TTC21B: variants seen among roughly 807,000 people sequenced by gnomAD.
TTC21B encodes the protein tetratricopeptide repeat protein 21B.
A neutral mutation model predicts 175.1 loss-of-function variants in TTC21B; 127 were observed. The observed-to-expected ratio is 0.73, with a 90% CI of 0.63 to 0.84. The LOEUF is 0.84. TTC21B is among the 40% of genes least tolerant of loss of function. TTC21B has a pLI of 0.00. For synonymous variants in TTC21B, 524 were observed against 524.5 expected (o/e 1.00, Z 0.01); for missense variants, 1,561 against 1,558.3 (o/e 1.00, Z -0.03).
intron 28 of TTC21B, among the ~76,000 whole-genome samples, chr2:165,875,407 G>A (rs1684634733): frequency 6.6e-6 from 1 of 151,978 alleles, no homozygotes; most frequent in African/African-American, 2.4e-5. Flanking sequence ...TTACTGTAAT[G>A]ATGCTAACAG....
intron 25 of TTC21B, among the ~76,000 whole-genome samples, chr2:165,885,337 G>A (rs1043253635): frequency 2.6e-5 from 4 of 152,102 alleles, no homozygotes; most frequent in African/African-American, 9.7e-5. Context: ...AATAGAGAAG[G>A]GCAATACATC....
At chr2:165,885,147 C>T (rs1300068829) in intron 25 of TTC21B, among the ~76,000 whole-genome samples, 1 of 152,052 alleles carries the variant, frequency 6.6e-6, no homozygotes, top group Non-Finnish European at 1.5e-5. Flanking sequence ...GAGACACTGT[C>T]TCAAAATAAA....
At chr2:165,926,991 CATATATATAT>C (rs367965246) in intron 11 of TTC21B, among the ~76,000 whole-genome samples, 2 of 14,610 alleles carry the variant, frequency 1.4e-4, no homozygotes, top group Non-Finnish European at 3.2e-4. Flanking sequence ...TATAAACTCC[CATATATATAT>C]ATATATATAT....
chr2:165,903,858 A>T (rs1685644892), intron 19 of TTC21B, among the ~76,000 whole-genome samples: 1 of 152,202 alleles, frequency 6.6e-6, no homozygotes, highest in Non-Finnish European at 1.5e-5. Flanking sequence ...GACTCCACTT[A>T]TAGGTTTCTG....
intron 20 of TTC21B, 120 bp from the exon 21 acceptor site, chr2:165,900,000 AT>A (rs1685499445): frequency 2.2e-6 from 1 of 459,070 alleles, no homozygotes; most frequent in South Asian, 2.1e-5. Flanking sequence ...AATGCCAAGT[AT>A]AATAGACAAA....
chr2:165,949,836 CT>C, intron 1 of TTC21B, 112 bp from the exon 2 acceptor site: 1 of 1,076,688 alleles, frequency 9.3e-7, no homozygotes. Context: ...GGCAATGTGA[CT>C]TTTTTCTTCC....
In TTC21B at chr2:165,921,072, G is replaced by A. The variant is rs1265542232; in HGVS notation, c.1517-1639C>T. On this transcript the variant is annotated intron_variant, in intron 12 of 28. Coordinates refer to ENST00000243344, the MANE Select transcript of TTC21B (RefSeq NM_024753.5). The stretch of plus-strand genomic sequence containing the variant: ...TTCTGTGTTATTCATTATGGACCCT[G>A]ATAGTTTATCCTAATTAAGAGAATC... 3.3e-5 allele frequency among the ~76,000 whole-genome samples: 5 copies of A among 152,114 alleles called. No individual in the cohort carries two copies. In the East Asian group the frequency reaches 9.6e-4, roughly 29 times the overall value.
intron 6 of TTC21B, among the ~76,000 whole-genome samples, chr2:165,937,989 C>G (rs915219497): frequency 6.6e-6 from 1 of 151,980 alleles, no homozygotes; most frequent in Non-Finnish European, 1.5e-5. Flanking sequence ...GACAGCTTGT[C>G]GTACCAAATA....
intron 14 of TTC21B, among the ~76,000 whole-genome samples, chr2:165,916,835 T>C (rs1686191726): frequency 6.6e-6 from 1 of 152,146 alleles, no homozygotes; most frequent in Non-Finnish European, 1.5e-5. Flanking sequence ...GAAAATTAAA[T>C]TTTTCTAAAG....
chr2:165,892,776 C>T (rs1375427097), intron 22 of TTC21B, among the ~76,000 whole-genome samples: 2 of 152,096 alleles, frequency 1.3e-5, no homozygotes, highest in Non-Finnish European at 2.9e-5. Context: ...AAACGCAAAA[C>T]GTTGATGGAT....
chr2:165,949,192 A>T, intron 3 of TTC21B: 1 of 585,552 alleles, frequency 1.7e-6, no homozygotes, highest in Middle Eastern at 4.6e-4. Flanking sequence ...CAGAGGATAT[A>T]AGGAACACGA....
rs1218490524 is a variant in TTC21B, at chr2:165,890,594, G to A, written c.3148C>T (p.Arg1050Trp). ...TTTTGGCCCCAGTCACGATCTTTCC[G>A]AGCTTTATTAAAATGTCGAAGGGCA... ...NDALRHFNKA[R>W]KDRDWGQNAL... The change falls in exon 24 of 29, where the codon CGG becomes TGG. Residue 1050 changes from arginine (R) to tryptophan (W), a missense_variant. Transcript: ENST00000243344. 3.1e-6 allele frequency: 5 copies of A among 1,613,666 alleles called. No individual in the cohort carries two copies. Among genetic ancestry groups the A allele is most frequent in the Admixed American group, 3.3e-5 (2 of 59,992 alleles).
chr2:165,925,012 A>T lies in TTC21B; in HGVS notation c.1387-334T>A, dbSNP rs1686576102. On this transcript the variant is annotated intron_variant, in intron 11 of 28. Transcript: ENST00000243344. ...ATCTGTTAAAGGAAAGATAACTGAG[A>T]GGTACAGTTTCTTGCTAGAACTGAC... 4.6e-5 allele frequency among the ~76,000 whole-genome samples: 7 copies of T among 152,336 alleles called. No individual in the cohort carries two copies. The South Asian group carries it at 1.4e-3, about 32-fold the overall frequency.
intron 11 of TTC21B, among the ~76,000 whole-genome samples, chr2:165,926,046 A>G (rs1686616402): frequency 6.6e-6 from 1 of 152,222 alleles, no homozygotes; most frequent in African/African-American, 2.4e-5. Flanking sequence ...TTAAAATTCT[A>G]AACAAAATTA....
chr2:165,945,341 T>C (rs1477132754), intron 4 of TTC21B, among the ~76,000 whole-genome samples, 183 bp downstream of exon 4: 1 of 152,146 alleles, frequency 6.6e-6, no homozygotes. Context: ...CCTTAGAGAA[T>C]TCCTATTCTA....
rs1686962600 is a variant in TTC21B, at chr2:165,932,865, A to G, written c.795+108T>C. 3.1e-6 allele frequency: 3 copies of G among 974,170 alleles called. No homozygotes were observed. The Admixed American group carries it at 5.7e-5, about 19-fold the overall frequency. 60.3% of individuals were successfully genotyped at this position (974,170 alleles called of 1,614,324 possible). A position where few individuals can be genotyped will look rare whatever the true frequency, so the allele number is the denominator to read the frequency against. ...AAAACTACCATGATGTATATTTTAA[A>G]AGAGAACTTCAAGGCTTTAATGTAT... On this transcript the variant is annotated intron_variant, in intron 7 of 28. Transcript: ENST00000243344.
At chr2:165,906,722 A>C (rs1290883583) in intron 19 of TTC21B, among the ~76,000 whole-genome samples, 1 of 152,002 alleles carries the variant, frequency 6.6e-6, no homozygotes, top group South Asian at 2.1e-4. Context: ...TGGCAGGGGG[A>C]ATCACCTGAG....
Position 165,952,741 on chromosome 2 carries a change from C to T in TTC21B, c.21+944G>A, listed in dbSNP as rs9677465. Among the ~76,000 whole-genome samples the T allele has an allele frequency of 2.0e-3, 309 of 152,302 alleles. 1 individual carries two copies. Among genetic ancestry groups the T allele is most frequent in the African/African-American group, 7.3e-3 (305 of 41,546 alleles). On this transcript the variant is annotated intron_variant, in intron 1 of 28. Transcript: ENST00000243344. Reference sequence around the variant, plus strand: ...AACAAGACATTTCAGCATTCCCTAACCTCCTACATCGCCAAATTGTCCTCC... The same window carrying T: ...AACAAGACATTTCAGCATTCCCTAATCTCCTACATCGCCAAATTGTCCTCC...
Position 165,888,215 on chromosome 2 carries a change from AAT to A in TTC21B, c.3459+62_3459+63del, listed in dbSNP as rs1341393362. On this transcript the variant is annotated intron_variant, in intron 25 of 28. Coordinates refer to ENST00000243344, the MANE Select transcript of TTC21B (RefSeq NM_024753.5). The stretch of plus-strand genomic sequence containing the variant: ...CTTCAGAAAATAAACAACTAATCAA[AAT>A]ATATGTTTCTATACTACCAAATAAA... The A allele has an allele frequency of 1.2e-5, 15 of 1,285,010 alleles. No homozygotes were observed. The East Asian group carries it at 1.6e-4, about 14-fold the overall frequency. 79.6% of individuals were successfully genotyped at this position (1,285,010 alleles called of 1,614,324 possible).
Sources: gnomAD v4.1 joint callset for allele counts (sites outside exome capture counted in the v4.1 genomes callset) on GRCh38, gnomAD v4.1.1 for gene constraint, MANE v1.5 for transcripts, NCBI Gene and HGNC (gene_info 2026-07-23, HGNC 2026-07-21) for gene names.